The following AUTS2 variants were observed in gnomAD, a reference collection of about 807,000 sequenced individuals.
AUTS2 encodes autism susceptibility gene 2 protein.
Under a neutral mutation model 112.4 loss-of-function variants are expected in AUTS2, and 17 were observed. The observed-to-expected ratio is 0.15, with a 90% confidence interval of 0.10 to 0.23. The LOEUF (loss-of-function observed/expected upper bound fraction) is 0.23. AUTS2 is among the 10% of genes least tolerant of loss of function. The pLI, the probability that AUTS2 is intolerant of heterozygous loss-of-function variation, is 1.00. For missense variants in AUTS2, 1,510 were observed against 1,701.6 expected (o/e 0.89, Z 1.98); for synonymous variants, 751 against 702.7 (o/e 1.07, Z -1.09).
At chr7:70,008,898 G>A (rs1204457330) in intron 2 of AUTS2, among the ~76,000 whole-genome samples, 1 of 151,968 alleles carries the variant, frequency 6.6e-6, no homozygotes, top group Non-Finnish European at 1.5e-5. Flanking sequence ...AAATAACCAG[G>A]TATATATGGC....
chr7:70,425,194 C>T (rs1795382408), intron 4 of AUTS2, among the ~76,000 whole-genome samples: 1 of 152,206 alleles, frequency 6.6e-6, no homozygotes, highest in Admixed American at 6.5e-5. Flanking sequence ...GCAGCAGCTT[C>T]ATTACCTGGG....
intron 2 of AUTS2, among the ~76,000 whole-genome samples, chr7:69,986,802 C>G (rs571074499): frequency 6.6e-6 from 1 of 152,044 alleles, no homozygotes; most frequent in Non-Finnish European, 1.5e-5. Context: ...TGTATGCTAC[C>G]CTGTCTGTGA....
chr7:69,858,654 G>C (rs1792843488), intron 1 of AUTS2, among the ~76,000 whole-genome samples: 1 of 152,132 alleles, frequency 6.6e-6, no homozygotes, highest in African/African-American at 2.4e-5. Context: ...TGCTTTGATT[G>C]GCTGCTAACA....
chr7:69,917,710 C>A (rs974037086), intron 2 of AUTS2, among the ~76,000 whole-genome samples: 16 of 152,100 alleles, frequency 1.1e-4, no homozygotes, highest in African/African-American at 3.9e-4. Context: ...ACTCTGTATG[C>A]CTTTGCATAC....
chr7:70,153,524 T>A (rs1357233524), intron 4 of AUTS2, among the ~76,000 whole-genome samples: 1 of 152,158 alleles, frequency 6.6e-6, no homozygotes, highest in Non-Finnish European at 1.5e-5. Context: ...ACAGATATAT[T>A]TATAGGTCAA....
intron 1 of AUTS2, among the ~76,000 whole-genome samples, chr7:69,819,687 G>T (rs1790902705): frequency 6.6e-6 from 1 of 152,174 alleles, no homozygotes; most frequent in Non-Finnish European, 1.5e-5. Context: ...GTGCGAACAT[G>T]GCTCACTTCC....
intron 2 of AUTS2, among the ~76,000 whole-genome samples, chr7:69,997,346 A>C (rs1029791069): frequency 3.3e-5 from 5 of 152,178 alleles, no homozygotes; most frequent in African/African-American, 9.7e-5. Flanking sequence ...TGATGGTCAC[A>C]ATCTATGTAT....
rs1480351822 is a variant in AUTS2, at chr7:69,837,117, A to C, written c.310-62169A>C. 3.9e-5 allele frequency among the ~76,000 whole-genome samples: 6 copies of C among 152,238 alleles called. No individual in the cohort carries two copies. The East Asian group carries it at 1.2e-3, about 29-fold the overall frequency. ...CTGGCCTGGGATGATGGCTAAAAGG[A>C]CTAAAGGGCGAGTCTTTGCCTCAGT... On this transcript the variant is annotated intron_variant, in intron 1 of 18. Coordinates refer to ENST00000342771, the MANE Select transcript of AUTS2 (RefSeq NM_015570.4).
intron 1 of AUTS2, among the ~76,000 whole-genome samples, chr7:69,623,493 C>T (rs970125641): frequency 6.7e-6 from 1 of 148,676 alleles, no homozygotes. Context: ...GGGCCTCTCA[C>T]AGTGCTGGGA....
chr7:69,860,359 C>T (rs1181541709), intron 1 of AUTS2, among the ~76,000 whole-genome samples: 1 of 152,088 alleles, frequency 6.6e-6, no homozygotes, highest in Admixed American at 6.6e-5. Flanking sequence ...AAAAAACTTT[C>T]TATTTTTTTA....
chr7:70,786,035 G>A lies in AUTS2; in HGVS notation c.2305G>A (p.Val769Ile), dbSNP rs747879933. The change falls in exon 17 of 19, where the codon GTT becomes ATT. Residue 769 changes from valine (V) to isoleucine (I), a missense_variant. Around this residue, in one of 3 missense-constraint regions of AUTS2, gnomAD observed 788 missense variants for 797.6 expected, o/e 0.99. Coordinates refer to ENST00000342771, the MANE Select transcript of AUTS2 (RefSeq NM_015570.4). ...NAFGGLGNPS[V>I]TPNSMFGHKD... ...CTTCGGGGGACTTGGAAATCCTTCC[G>A]TTAGTGAGTACCTCTAACTTTTAAA... 23 of 1,613,494 alleles carry A rather than the reference G, an allele frequency of 1.4e-5. No individual in the cohort carries two copies. The highest frequency in any genetic ancestry group is 6.7e-5 in the Admixed American group (4 of 60,000).
chr7:70,067,780 G>A (rs1391210207), intron 2 of AUTS2, among the ~76,000 whole-genome samples: 4 of 152,044 alleles, frequency 2.6e-5, no homozygotes, highest in East Asian at 1.9e-4. Flanking sequence ...CTGAGCCTGG[G>A]AGATTGAGGC....
chr7:70,104,683 G>A (rs1266421726), intron 2 of AUTS2, among the ~76,000 whole-genome samples: 1 of 152,112 alleles, frequency 6.6e-6, no homozygotes, highest in African/African-American at 2.4e-5. Context: ...GTCTTTTTTT[G>A]AGGGATAATC....
intron 4 of AUTS2, among the ~76,000 whole-genome samples, chr7:70,356,066 A>C (rs1791996512): frequency 2.0e-5 from 3 of 152,198 alleles, no homozygotes; most frequent in African/African-American, 7.2e-5. Flanking sequence ...GATGGGAAAG[A>C]CATCAATACT....
At chr7:70,482,034 T>A (rs966740836) in intron 5 of AUTS2, among the ~76,000 whole-genome samples, 2 of 152,190 alleles carry the variant, frequency 1.3e-5, no homozygotes, top group African/African-American at 4.8e-5. Flanking sequence ...TGGGAATATT[T>A]ATGAGGTTAA....
chr7:70,236,295 A>G (rs563456021), intron 4 of AUTS2, among the ~76,000 whole-genome samples: 2 of 152,360 alleles, frequency 1.3e-5, no homozygotes, highest in Non-Finnish European at 2.9e-5. Context: ...ATTCAAAAAT[A>G]TAATTTCATT....
chr7:70,116,157 C>T (rs1022938767), intron 2 of AUTS2, among the ~76,000 whole-genome samples: 2 of 152,136 alleles, frequency 1.3e-5, no homozygotes, highest in African/African-American at 4.8e-5. Context: ...GGAGCTTTAG[C>T]GTTGACTGAG....
rs781376033 is a variant in AUTS2 at position 70,790,240 on chromosome 7, C to T, written c.3024C>T (p.Pro1008=). The part of the protein sequence containing the change: ...QTHRASEPPP[P]NSSSSVHPGP... ...ACCGGGCCTCGGAGCCGCCGCCTCC[C>T]AACTCCTCGTCCAGCGTGCACCCGG... The change falls in exon 19 of 19, where the codon CCC becomes CCT. Residue 1008 remains proline, a synonymous_variant. Coordinates refer to ENST00000342771, the MANE Select transcript of AUTS2 (RefSeq NM_015570.4). This position sits in a 1 kb window ranked among gnomAD's most constrained non-coding sequence, Gnocchi z 7.6. The T allele has an allele frequency of 1.1e-5, 18 of 1,612,720 alleles. No homozygotes were observed. Among genetic ancestry groups the T allele is most frequent in the East Asian group, 6.7e-5 (3 of 44,832 alleles).
chr7:70,354,404 T>A (rs1791899181), intron 4 of AUTS2, among the ~76,000 whole-genome samples: 1 of 152,214 alleles, frequency 6.6e-6, no homozygotes, highest in Admixed American at 6.5e-5. Context: ...ATAAAAATAA[T>A]AGTACAAGTT....
Sources: gnomAD v4.1 joint callset for allele counts (sites outside exome capture counted in the v4.1 genomes callset) on GRCh38, gnomAD v4.1.1 for gene constraint, gnomAD v4.1.1 regional missense constraint, Gnocchi (gnomAD v3.1) non-coding constraint, MANE v1.5 for transcripts, NCBI Gene and HGNC (gene_info 2026-07-23, HGNC 2026-07-21) for gene names.